ACER1: variants seen among roughly 807,000 people sequenced by gnomAD.
ACER1 encodes CTB-180A7.3.
A neutral mutation model predicts 24.9 loss-of-function variants in ACER1; 28 were observed. That is an observed-to-expected ratio of 1.13 (90% CI 0.83 to 1.54). The LOEUF (loss-of-function observed/expected upper bound fraction) is 1.54, where lower values mean the gene tolerates loss of function less well. ACER1 is among the 40% of genes most tolerant of loss of function. The pLI, the probability that ACER1 is intolerant of heterozygous loss-of-function variation, is 0.00. For missense variants in ACER1, 352 were observed against 349.3 expected, an observed-to-expected ratio of 1.01 and a Z score of -0.06; for synonymous variants, 132 against 131.4, an observed-to-expected ratio of 1.00 and a Z score of -0.03.
At chr19:6,315,504 C>T (rs2091599166) in intron 1 of ACER1, among the ~76,000 whole-genome samples, 1 of 152,012 alleles carries the variant, frequency 6.6e-6, no homozygotes, top group Admixed American at 6.6e-5. Context: ...CTCAGCCTCC[C>T]CAGCAGCTGG....
chr19:6,327,869 G>A (rs1212487506), intron 1 of ACER1, among the ~76,000 whole-genome samples: 1 of 151,706 alleles, frequency 6.6e-6, no homozygotes, highest in Non-Finnish European at 1.5e-5. Context: ...GAGGTCAGGG[G>A]TTCGAGACCA....
chr19:6,335,799 C>T (rs1429837585), upstream of ACER1, among the ~76,000 whole-genome samples: 1 of 151,788 alleles, frequency 6.6e-6, no homozygotes, highest in Non-Finnish European at 1.5e-5. Context: ...CCACTGCACT[C>T]CAGCCTGGGT....
the ACER1 span, among the ~76,000 whole-genome samples, chr19:6,343,388 C>T: frequency 6.6e-6 from 1 of 151,958 alleles, no homozygotes; most frequent in African/African-American, 2.4e-5. Context: ...TGGCCTCCAT[C>T]CCAACACGTG....
At chr19:6,342,403 A>C in the ACER1 span, among the ~76,000 whole-genome samples, 1 of 151,902 alleles carries the variant, frequency 6.6e-6, no homozygotes, top group Non-Finnish European at 1.5e-5. Flanking sequence ...CTAAAAAAAA[A>C]TAATAATAAT....
chr19:6,309,636 G>A (rs2144995984), intron 4 of ACER1, 61 bp downstream of exon 4: 2 of 1,606,084 alleles, frequency 1.2e-6, no homozygotes, highest in Non-Finnish European at 8.5e-7. Context: ...CGAGCCTGGA[G>A]TCAGGGGTGC....
intron 1 of ACER1, among the ~76,000 whole-genome samples, chr19:6,321,213 G>A (rs1468337388): frequency 1.3e-5 from 2 of 151,422 alleles, no homozygotes; most frequent in East Asian, 1.9e-4. Flanking sequence ...TTGGCTCACT[G>A]CAACCTCCGC....
At chr19:6,325,213 C>A (rs1051648536) in intron 1 of ACER1, among the ~76,000 whole-genome samples, 1 of 152,196 alleles carries the variant, frequency 6.6e-6, no homozygotes, top group Non-Finnish European at 1.5e-5. Context: ...AGCACACAGT[C>A]CTCAGCCTGA....
intron 1 of ACER1, among the ~76,000 whole-genome samples, chr19:6,321,516 G>A (rs1409208724): frequency 6.6e-6 from 1 of 152,158 alleles, no homozygotes. Context: ...CTGGCATCTT[G>A]TAGCCTTGAC....
At chr19:6,334,337 C>T (rs1011863404), upstream of ACER1, among the ~76,000 whole-genome samples, 2 of 151,712 alleles carry the variant, frequency 1.3e-5, no homozygotes, top group Admixed American at 6.6e-5. Context: ...CGTGAGCCAC[C>T]GTGCCCGGCC....
intron 1 of ACER1, among the ~76,000 whole-genome samples, chr19:6,325,455 C>G (rs776874722): frequency 8.5e-5 from 13 of 152,118 alleles, no homozygotes; most frequent in Non-Finnish European, 1.8e-4. Flanking sequence ...GAGTTCAAGA[C>G]CAGGCTGACC....
At chr19:6,309,934 C>A in intron 3 of ACER1, 100 bp from the exon 4 acceptor site, 1 of 1,482,366 alleles carries the variant, frequency 6.7e-7, no homozygotes, top group South Asian at 1.2e-5. Flanking sequence ...GAGAAAAGGA[C>A]AGGATTCTGG....
At chr19:6,324,157 G>C (rs577315194) in intron 1 of ACER1, among the ~76,000 whole-genome samples, 2 of 150,666 alleles carry the variant, frequency 1.3e-5, no homozygotes, top group South Asian at 4.3e-4. Context: ...CGATTCTCCT[G>C]CCTCACCCTC....
At position 6,316,178 on chromosome 19, in the gene ACER1, G is replaced by A. The variant is rs112002107; in HGVS notation, c.94-3679C>T. Among the ~76,000 whole-genome samples, 1,389 of 152,276 alleles carry A rather than the reference G, an allele frequency of 9.1e-3. 17 individuals carry two copies. The highest frequency in any genetic ancestry group is 0.032 in the African/African-American group (1,343 of 41,562). ...GCCAGGTGTGATGGTTCATGCCTGT[G>A]ATTCCAGCAATTTGGGAGGCTGAGG... On this transcript the variant is annotated intron_variant, in intron 1 of 5. Transcript: ENST00000301452.
intron 1 of ACER1, among the ~76,000 whole-genome samples, chr19:6,321,140 C>CTT (rs879600910): frequency 2.8e-5 from 4 of 144,106 alleles, no homozygotes; most frequent in African/African-American, 1.0e-4. Context: ...AATTTTCTTT[C>CTT]TTTTTTTTTT....
Position 6,318,011 on chromosome 19 carries a change from T to C in ACER1, c.94-5512A>G, listed in dbSNP as rs535977179. The stretch of plus-strand genomic sequence containing the variant: ...CAAAGCAGATCCACTCACCTCAGCC[T>C]CTAAAAATCTCCATTTAAAACATGT... On this transcript the variant is annotated intron_variant, in intron 1 of 5. Coordinates refer to ENST00000301452, the MANE Select transcript of ACER1 (RefSeq NM_133492.3). Among the ~76,000 whole-genome samples, 4 of 151,940 alleles carry C rather than the reference T, an allele frequency of 2.6e-5. 1 individual carries two copies. The South Asian group carries it at 8.3e-4, about 32-fold the overall frequency.
At chr19:6,349,466 AAAGAAG>A in the ACER1 span, among the ~76,000 whole-genome samples, 1 of 139,070 alleles carries the variant, frequency 7.2e-6, no homozygotes, top group African/African-American at 2.8e-5. Flanking sequence ...GGAAGGAAGG[AAAGAAG>A]GAAGGAAGGA....
At chr19:6,331,294 C>T (rs926302067) in intron 1 of ACER1, among the ~76,000 whole-genome samples, 1 of 148,106 alleles carries the variant, frequency 6.8e-6, no homozygotes, top group African/African-American at 2.6e-5. Flanking sequence ...GGACTACAGG[C>T]GCCCGGCACC....
chr19:6,355,279 C>T, the ACER1 span, among the ~76,000 whole-genome samples: 9 of 151,298 alleles, frequency 5.9e-5, no homozygotes, highest in East Asian at 1.2e-3. Context: ...TCTGCCTGGC[C>T]GCCCATCGTC....
At chr19:6,307,942 A>C (rs2091559971) in intron 4 of ACER1, among the ~76,000 whole-genome samples, 1 of 150,292 alleles carries the variant, frequency 6.7e-6, no homozygotes, top group Non-Finnish European at 1.5e-5. Flanking sequence ...CAAAAAAAAA[A>C]TTAGCCGGCC....
Sources: allele counts gnomAD v4.1 joint callset (sites outside exome capture counted in the v4.1 genomes callset), GRCh38; gene constraint gnomAD v4.1.1; transcripts MANE v1.5; gene names NCBI Gene and HGNC (gene_info 2026-07-23, HGNC 2026-07-21).